Variants in MARCHF10 observed in about 807,000 individuals in gnomAD.
MARCHF10 encodes the protein probable E3 ubiquitin-protein ligase MARCHF10.
In MARCHF10, 64 loss-of-function variants were observed where a neutral mutation model predicts 76.2. The ratio of observed to expected loss-of-function variants is 0.84; its 90% CI spans 0.69 to 1.03. MARCHF10 has a LOEUF of 1.03. Among genes scored for constraint, MARCHF10 ranks in the 50% least tolerant of loss-of-function variants. MARCHF10 has a pLI of 0.00. For synonymous variants in MARCHF10, 340 were observed against 357.5 expected (o/e 0.95, Z 0.55); for missense variants, 875 against 958.0 (o/e 0.91, Z 1.14).
At chr17:62,747,428 C>T (rs1010750361) in intron 4 of MARCHF10, among the ~76,000 whole-genome samples, 14 of 152,206 alleles carry the variant, frequency 9.2e-5, no homozygotes, top group African/African-American at 3.4e-4. Flanking sequence ...TAAAGCTGAA[C>T]AACTGGAGAT....
intron 8 of MARCHF10, among the ~76,000 whole-genome samples, chr17:62,717,668 G>A (rs1384641552): frequency 1.3e-5 from 2 of 152,210 alleles, no homozygotes; most frequent in Non-Finnish European, 2.9e-5. Context: ...GTCTTCTCCT[G>A]AAGGCCACAG....
At chr17:62,727,066 C>T (rs1232915589) in intron 6 of MARCHF10, among the ~76,000 whole-genome samples, 2 of 152,178 alleles carry the variant, frequency 1.3e-5, no homozygotes, top group Non-Finnish European at 2.9e-5. Context: ...CTGGGCTCCA[C>T]CCTTAGAGGT....
chr17:62,752,829 T>C (rs1214359658), intron 4 of MARCHF10, among the ~76,000 whole-genome samples: 1 of 152,080 alleles, frequency 6.6e-6, no homozygotes, highest in Non-Finnish European at 1.5e-5. Flanking sequence ...CCCCATCCCC[T>C]GCAACTGCTA....
chr17:62,737,348 A>G lies in MARCHF10; in HGVS notation c.536-16T>C. ...ACTACTTGATCTGCATTGAGAAAAG[A>G]CACATTTATCGTTCCAGTAAAAGGG... is the stretch of plus-strand genomic sequence containing the variant. On this transcript the variant is annotated splice_polypyrimidine_tract_variant and intron_variant, in intron 5 of 10. Coordinates refer to ENST00000311269, the MANE Select transcript of MARCHF10 (RefSeq NM_152598.4). The G allele has an allele frequency of 1.3e-6, 2 of 1,597,168 alleles. No homozygotes were observed. The highest frequency in any genetic ancestry group is 2.3e-5 in the South Asian group (2 of 86,952).
At chr17:62,743,697 A>G (rs914142888) in intron 5 of MARCHF10, among the ~76,000 whole-genome samples, 1 of 152,210 alleles carries the variant, frequency 6.6e-6, no homozygotes, top group African/African-American at 2.4e-5. Flanking sequence ...TGGTCATGAC[A>G]TAATGGGATG....
intron 2 of MARCHF10, among the ~76,000 whole-genome samples, chr17:62,793,851 C>T (rs1184273880): frequency 6.6e-6 from 1 of 150,694 alleles, no homozygotes; most frequent in Non-Finnish European, 1.5e-5. Flanking sequence ...CCTCCATCAC[C>T]ACCACTACCA....
intron 1 of MARCHF10, among the ~76,000 whole-genome samples, chr17:62,807,672 A>G (rs928587330): frequency 5.3e-5 from 8 of 151,768 alleles, no homozygotes; most frequent in Non-Finnish European, 1.2e-4. Flanking sequence ...CTGAGGCGGG[A>G]GGATCGCTTG....
chr17:62,773,837 T>C (rs1230567388), intron 3 of MARCHF10, among the ~76,000 whole-genome samples: 5 of 152,196 alleles, frequency 3.3e-5, no homozygotes, highest in Admixed American at 3.3e-4. Flanking sequence ...CACTGAGGAA[T>C]TCCAGAGGCT....
At position 62,711,206 on chromosome 17, in the gene MARCHF10, A is replaced by G; in HGVS notation, c.2328+25T>C. On this transcript the variant is annotated intron_variant, in intron 9 of 10. Transcript: ENST00000311269. The surrounding 1 kb of genome is among the most constrained non-coding windows in gnomAD (Gnocchi z 4.4). ...AGGGTTTTCAGGGCTGCCACCGGAC[A>G]GCTCTGGGTCACAGCCAGACTTACC... 1.2e-6 allele frequency: 2 copies of G among 1,602,170 alleles called. No homozygotes were observed. Among genetic ancestry groups the G allele is most frequent in the African/African-American group, 1.3e-5 (1 of 74,752 alleles).
chr17:62,791,054 G>C (rs955069558), intron 2 of MARCHF10, among the ~76,000 whole-genome samples: 2 of 152,220 alleles, frequency 1.3e-5, no homozygotes, highest in African/African-American at 4.8e-5. Context: ...GACTCTGTTT[G>C]TTTTAATAAT....
intron 4 of MARCHF10, 54 bp downstream of exon 4, chr17:62,759,781 A>G: frequency 6.3e-7 from 1 of 1,578,212 alleles, no homozygotes; most frequent in Non-Finnish European, 8.6e-7. Flanking sequence ...TGTTGTTGTT[A>G]TTTTTAATAC....
chr17:62,801,606 C>T, intron 2 of MARCHF10, 40 bp downstream of exon 2: 3 of 1,519,786 alleles, frequency 2.0e-6, no homozygotes, highest in Non-Finnish European at 2.7e-6. Flanking sequence ...CTAAATACTG[C>T]AAGAGAAGGC....
chr17:62,765,069 A>G (rs1429334385), intron 3 of MARCHF10, among the ~76,000 whole-genome samples: 2 of 152,094 alleles, frequency 1.3e-5, no homozygotes, highest in Non-Finnish European at 2.9e-5. Flanking sequence ...TTTGGAGGCC[A>G]GGTGCTGTGG....
In MARCHF10 at chr17:62,737,013, T is replaced by C. The variant is rs148076521; in HGVS notation, c.855A>G (p.Arg285=). Reference sequence around the variant, plus strand: ...CCTCTTCAGTGTCATCGCTTTCTCTTCTGCTGTTCAATGACAAAATGGAAT... The same window carrying C: ...CCTCTTCAGTGTCATCGCTTTCTCTCCTGCTGTTCAATGACAAAATGGAAT... ...DFYSILSLNS[R]RESDDTEEET... The change falls in exon 6 of 11, where the codon AGA becomes AGG. Residue 285 remains arginine, a synonymous_variant. Coordinates refer to ENST00000311269, the MANE Select transcript of MARCHF10 (RefSeq NM_152598.4). 6.2e-7 allele frequency: 1 copy of C among 1,614,064 alleles called. No homozygotes were observed. The highest frequency in any genetic ancestry group is 1.3e-5 in the African/African-American group (1 of 74,912).
chr17:62,800,475 C>T (rs948132218), intron 2 of MARCHF10, among the ~76,000 whole-genome samples: 12 of 152,098 alleles, frequency 7.9e-5, no homozygotes, highest in African/African-American at 2.7e-4. Flanking sequence ...TGGGTTGGCA[C>T]GTTGTGGGAG....
At position 62,788,995 on chromosome 17, in the gene MARCHF10, G is replaced by A. The variant is rs558610247; in HGVS notation, c.91-396C>T. Among the ~76,000 whole-genome samples, 800 of 149,150 alleles carry A rather than the reference G, an allele frequency of 5.4e-3. 5 individuals are homozygous for A. Among genetic ancestry groups the A allele is most frequent in the African/African-American group, 0.019 (754 of 40,506 alleles). ...GGAGAATGGCGTGAACCCGGGAAGC[G>A]GAGCTTGCAGTGAGCCGAGATTGCG... On this transcript the variant is annotated intron_variant, in intron 2 of 10. Coordinates refer to ENST00000311269, the MANE Select transcript of MARCHF10 (RefSeq NM_152598.4).
intron 3 of MARCHF10, among the ~76,000 whole-genome samples, chr17:62,778,517 G>C (rs1339043685): frequency 6.6e-6 from 1 of 151,996 alleles, no homozygotes; most frequent in Non-Finnish European, 1.5e-5. Context: ...GATCACTTGA[G>C]GTCAGGAGTT....
chr17:62,772,634 A>C (rs2092469347), intron 3 of MARCHF10, among the ~76,000 whole-genome samples: 1 of 152,154 alleles, frequency 6.6e-6, no homozygotes, highest in Non-Finnish European at 1.5e-5. Flanking sequence ...GGCAGTTGAC[A>C]TCTTGACTTT....
At position 62,771,046 on chromosome 17, in the gene MARCHF10, G is replaced by A. The variant is rs138573146; in HGVS notation, c.211-11040C>T. On this transcript the variant is annotated intron_variant, in intron 3 of 10. Coordinates refer to ENST00000311269, the MANE Select transcript of MARCHF10 (RefSeq NM_152598.4). ...AATTTTTTGTATTTTTAGTAGAGGC[G>A]AGGTTTCATTGTGTTAGCCAGGATG... Among the ~76,000 whole-genome samples the A allele has an allele frequency of 3.3e-3, 496 of 151,844 alleles. 2 individuals are homozygous for A. Among genetic ancestry groups the A allele is most frequent in the African/African-American group, 0.011 (473 of 41,378 alleles).
Sources: gnomAD v4.1 joint callset for allele counts (sites outside exome capture counted in the v4.1 genomes callset) on GRCh38, gnomAD v4.1.1 for gene constraint, Gnocchi (gnomAD v3.1) non-coding constraint, MANE v1.5 for transcripts, NCBI Gene and HGNC (gene_info 2026-07-23, HGNC 2026-07-21) for gene names.